Variants in TPO observed in about 807,000 individuals in gnomAD.
TPO encodes the protein thyroid microsomal antigen.
TPO carries 78 observed loss-of-function variants against 96.9 expected under a neutral mutation model. That is an observed-to-expected ratio of 0.81 (90% CI 0.67 to 0.97). TPO has a LOEUF of 0.97. Among genes scored for constraint, TPO ranks in the 50% least tolerant of loss-of-function variants. The pLI is 0.00. For missense variants in TPO, 1,252 were observed against 1,274.8 expected (o/e 0.98, Z 0.27); for synonymous variants, 547 against 538.0 (o/e 1.02, Z -0.23).
chr2:1,507,184 A>G (rs1673555147), intron 14 of TPO, among the ~76,000 whole-genome samples: 1 of 152,202 alleles, frequency 6.6e-6, no homozygotes, highest in Non-Finnish European at 1.5e-5. Context: ...GTCAAAGATC[A>G]GATAGTTGTA....
chr2:1,456,014 G>A, intron 6 of TPO, 62 bp from the exon 7 acceptor site: 1 of 1,527,544 alleles, frequency 6.5e-7, no homozygotes, highest in East Asian at 2.3e-5. Context: ...GATCCCAAAG[G>A]GTCATCTTTC....
At chr2:1,491,275 T>C (rs559420954) in intron 10 of TPO, among the ~76,000 whole-genome samples, 1 of 152,304 alleles carries the variant, frequency 6.6e-6, no homozygotes, top group African/African-American at 2.4e-5. Context: ...CTGCGGCCTC[T>C]GAAGCTGTGA....
At position 1,478,195 on chromosome 2, in the gene TPO, G is replaced by A. The variant is rs925941299; in HGVS notation, c.1338+591G>A. ...CTTAAGTATCACATGAGAGGGTCTT[G>A]AATGGAGAGTCAAGTTGGCCTTTTA... is the stretch of plus-strand genomic sequence containing the variant. On this transcript the variant is annotated intron_variant, in intron 8 of 16. Transcript: ENST00000329066. 9.1e-6 allele frequency: 9 copies of A among 985,328 alleles called. No individual in the cohort carries two copies. The South Asian group carries it at 1.4e-4, about 15-fold the overall frequency. The allele number at this position is 985,328 out of a possible 1,614,324, so 61.0% of individuals were successfully genotyped here. A position where few individuals can be genotyped will look rare whatever the true frequency, so the allele number is the denominator to read the frequency against.
intron 1 of TPO, among the ~76,000 whole-genome samples, chr2:1,382,363 C>G (rs1661823617): frequency 6.6e-6 from 1 of 152,168 alleles, no homozygotes; most frequent in African/African-American, 2.4e-5. Flanking sequence ...TCAGCATCTT[C>G]AACACAGAAA....
intron 15 of TPO, among the ~76,000 whole-genome samples, chr2:1,530,381 G>A (rs1450452208): frequency 1.5e-5 from 2 of 134,456 alleles, no homozygotes; most frequent in Non-Finnish European, 3.1e-5. Context: ...TCCCCAGTGT[G>A]TGCAACTTCC....
At chr2:1,541,966 T>TGGAACCAAAAGGACC in intron 16 of TPO, 1 of 201,222 alleles carries the variant, frequency 5.0e-6, no homozygotes, top group Non-Finnish European at 1.0e-5. Context: ...CTCCCACGCA[T>TGGAACCAAAAGGACC]GGAACCAAAA....
chr2:1,491,585 A>G (rs1336369055), intron 10 of TPO, among the ~76,000 whole-genome samples: 3 of 152,250 alleles, frequency 2.0e-5, no homozygotes. Flanking sequence ...CACTAGTCTG[A>G]AAATAACTGC....
At position 1,423,085 on chromosome 2, in the gene TPO, A is replaced by C. The variant is rs1273796212; in HGVS notation, c.135A>C (p.Glu45Asp). 6.2e-7 allele frequency: 1 copy of C among 1,614,138 alleles called. No homozygotes were observed. Among genetic ancestry groups the C allele is most frequent in the Non-Finnish European group, 8.5e-7 (1 of 1,180,044 alleles). ...CTCGTGTCTCTAGCGTCTTGGAGGA[A>C]AGCAAGCGCCTGGTGGACACCGCCA... ...EESRVSSVLE[E>D]SKRLVDTAMY... The change falls in exon 3 of 17, where the codon GAA becomes GAC. Residue 45 changes from glutamate to aspartate, a missense_variant. Glu to Asp is a conservative substitution (Grantham distance 45). Transcript: ENST00000329066.
intron 1 of TPO, among the ~76,000 whole-genome samples, chr2:1,403,435 G>A (rs935723825): frequency 2.0e-5 from 3 of 152,242 alleles, no homozygotes; most frequent in African/African-American, 7.2e-5. Flanking sequence ...CCGTGGTTCA[G>A]CTGTGAGGAC....
rs931333889 is a variant in TPO at position 1,517,948 on chromosome 2, C to T, written c.2618+966C>T. 7.2e-5 allele frequency among the ~76,000 whole-genome samples: 11 copies of T among 152,132 alleles called. No homozygotes were observed. The East Asian group carries it at 7.8e-4, about 11-fold the overall frequency. On this transcript the variant is annotated intron_variant, in intron 15 of 16. Coordinates refer to ENST00000329066, the MANE Select transcript of TPO (RefSeq NM_001206744.2). ...CTCCCTGAGTGCCAGGCTCCCCCCC[C>T]CAATATGCCCTGTGCACACTCCTGC...
chr2:1,443,434 G>A (rs536733052), intron 5 of TPO, among the ~76,000 whole-genome samples: 46 of 150,204 alleles, frequency 3.1e-4, no homozygotes, highest in Non-Finnish European at 5.6e-4. Flanking sequence ...AAGGGAATGG[G>A]CAGGCTCCTT....
At chr2:1,383,523 T>C (rs1404546832) in intron 1 of TPO, among the ~76,000 whole-genome samples, 1 of 152,254 alleles carries the variant, frequency 6.6e-6, no homozygotes, top group Non-Finnish European at 1.5e-5. Flanking sequence ...ATAAATGTCT[T>C]CTTTTGAGAA....
intron 15 of TPO, among the ~76,000 whole-genome samples, chr2:1,527,148 C>A (rs1225584550): frequency 7.5e-6 from 1 of 132,742 alleles, no homozygotes; most frequent in Non-Finnish European, 1.6e-5. Context: ...CTCCTCAAAT[C>A]CCCCCACTCT....
At chr2:1,526,092 T>G (rs1346790513) in intron 15 of TPO, among the ~76,000 whole-genome samples, 1 of 76,408 alleles carries the variant, frequency 1.3e-5, no homozygotes, top group African/African-American at 5.5e-5. Flanking sequence ...CCTCCCACTG[T>G]GCGCAACCTC....
intron 15 of TPO, among the ~76,000 whole-genome samples, chr2:1,529,472 C>A (rs1463073669): frequency 5.7e-5 from 6 of 105,324 alleles, no homozygotes; most frequent in Non-Finnish European, 7.3e-5. Context: ...CTCCCCATAT[C>A]CCCCCACTGT....
chr2:1,377,081 A>T (rs1661733726), intron 1 of TPO, among the ~76,000 whole-genome samples: 2 of 152,172 alleles, frequency 1.3e-5, no homozygotes, highest in Non-Finnish European at 2.9e-5. Flanking sequence ...TCGGCCACTT[A>T]AATAATATTT....
chr2:1,451,943 TAA>T (rs1157850689), intron 5 of TPO, among the ~76,000 whole-genome samples: 1 of 152,204 alleles, frequency 6.6e-6, no homozygotes, highest in Non-Finnish European at 1.5e-5. Context: ...TTATTTTTAA[TAA>T]GTTTTACATA....
intron 13 of TPO, among the ~76,000 whole-genome samples, chr2:1,502,212 G>A (rs1442776330): frequency 6.6e-6 from 1 of 152,092 alleles, no homozygotes; most frequent in Non-Finnish European, 1.5e-5. Context: ...CTGCATAACG[G>A]GATGCAGGAG....
chr2:1,528,639 G>C (rs1383947053), intron 15 of TPO, among the ~76,000 whole-genome samples: 1 of 109,684 alleles, frequency 9.1e-6, no homozygotes, highest in African/African-American at 3.9e-5. Context: ...CCCCCCCACT[G>C]TGTGCAACCT....
Sources: gnomAD v4.1 joint callset for allele counts (sites outside exome capture counted in the v4.1 genomes callset) on GRCh38, gnomAD v4.1.1 for gene constraint, MANE v1.5 for transcripts, NCBI Gene and HGNC (gene_info 2026-07-23, HGNC 2026-07-21) for gene names.